The following PLCXD2 variants were observed in gnomAD, a reference collection of about 807,000 sequenced individuals.
PLCXD2 encodes PI-PLC X domain-containing protein 2.
Under a neutral mutation model 28.6 loss-of-function variants are expected in PLCXD2, and 21 were observed. That is an observed-to-expected ratio of 0.73 (90% confidence interval 0.52 to 1.06). PLCXD2 has a LOEUF of 1.06. Among genes scored for constraint, PLCXD2 ranks in the 50% least tolerant of loss-of-function variants. The pLI, the probability that PLCXD2 is intolerant of heterozygous loss-of-function variation, is 0.00. For missense variants in PLCXD2, 369 were observed against 376.7 expected, an observed-to-expected ratio of 0.98 and a Z score of 0.17; for synonymous variants, 140 against 150.1, an observed-to-expected ratio of 0.93 and a Z score of 0.49.
intron 1 of PLCXD2, among the ~76,000 whole-genome samples, chr3:111,686,567 A>G (rs1940798491): frequency 6.6e-6 from 1 of 152,146 alleles, no homozygotes; most frequent in Admixed American, 6.6e-5. Context: ...AGGGACTACT[A>G]AGTGGCCCCC....
intron 3 of PLCXD2, among the ~76,000 whole-genome samples, chr3:111,716,148 C>T (rs79020133): frequency 0.011 from 1,622 of 152,286 alleles, 25 homozygotes; most frequent in African/African-American, 0.037. Context: ...AAGAATATTG[C>T]AAGTATGCAT....
intron 1 of PLCXD2, among the ~76,000 whole-genome samples, chr3:111,701,995 G>T (rs1941050753): frequency 6.6e-6 from 1 of 152,046 alleles, no homozygotes; most frequent in Non-Finnish European, 1.5e-5. Flanking sequence ...TAGCAGGAAG[G>T]TGGGAATGTA....
intron 1 of PLCXD2, among the ~76,000 whole-genome samples, chr3:111,705,149 T>C (rs1290953862): frequency 1.3e-5 from 2 of 152,182 alleles, no homozygotes; most frequent in Admixed American, 1.3e-4. Context: ...AACCAGCCTC[T>C]CTATCCTACC....
At position 111,724,710 on chromosome 3, in the gene PLCXD2, T is replaced by A. The variant is rs140330180; in HGVS notation, c.867-7909T>A. The A allele has an allele frequency of 1.1e-3, 170 of 152,338 alleles. 2 individuals carry two copies. Among genetic ancestry groups the A allele is most frequent in the African/African-American group, 3.6e-3 (151 of 41,572 alleles). The allele number at this position is 152,338 out of a possible 1,614,324, so 9.4% of individuals were successfully genotyped here. On this transcript the variant is annotated intron_variant, in intron 3 of 4. Coordinates refer to ENST00000477665, the MANE Select transcript of PLCXD2 (RefSeq NM_001185106.1). Reference sequence around the variant, plus strand: ...AACCAGTCCATCCTGCAGATTTAGTTCATGCCACAGTTGAAGTTTGTGTGA... The same window carrying A: ...AACCAGTCCATCCTGCAGATTTAGTACATGCCACAGTTGAAGTTTGTGTGA...
chr3:111,687,256 C>T (rs1368360386), intron 1 of PLCXD2, among the ~76,000 whole-genome samples: 1 of 152,156 alleles, frequency 6.6e-6, no homozygotes, highest in Non-Finnish European at 1.5e-5. Context: ...CTAAGTTCAT[C>T]AAATATCAAC....
chr3:111,677,607 A>G (rs1323599942), intron 1 of PLCXD2, among the ~76,000 whole-genome samples: 1 of 152,212 alleles, frequency 6.6e-6, no homozygotes, highest in East Asian at 1.9e-4. Context: ...ATTATTGTTC[A>G]AAGAGGTTAA....
intron 1 of PLCXD2, among the ~76,000 whole-genome samples, chr3:111,680,236 C>G (rs544220228): frequency 5.3e-5 from 8 of 152,186 alleles, no homozygotes; most frequent in Non-Finnish European, 1.0e-4. Context: ...TTACTCAGAT[C>G]TTGCTTCTGA....
At chr3:111,698,099 C>T (rs1455009994) in intron 1 of PLCXD2, among the ~76,000 whole-genome samples, 1 of 152,012 alleles carries the variant, frequency 6.6e-6, no homozygotes, top group Admixed American at 6.6e-5. Flanking sequence ...ATTTAAAAAC[C>T]AGAATTATTT....
At chr3:111,715,654 C>T (rs1319435808) in intron 3 of PLCXD2, among the ~76,000 whole-genome samples, 1 of 152,200 alleles carries the variant, frequency 6.6e-6, no homozygotes, top group Non-Finnish European at 1.5e-5. Context: ...TAGGATGGCA[C>T]ATTGTCTACA....
At position 111,703,991 on chromosome 3, in the gene PLCXD2, T is replaced by G. The variant is rs570788352; in HGVS notation, c.164-3935T>G. ...TAAAAGTAAAGCATTATTTGATGGG[T>G]TTTTTTTTCCTTTTTCACTTTATTT... On this transcript the variant is annotated intron_variant, in intron 1 of 4. Coordinates refer to ENST00000477665, the MANE Select transcript of PLCXD2 (RefSeq NM_001185106.1). 5.9e-5 allele frequency among the ~76,000 whole-genome samples: 9 copies of G among 151,342 alleles called. 1 individual carries two copies. Among genetic ancestry groups the G allele is most frequent in the African/African-American group, 1.9e-4 (8 of 41,212 alleles).
At chr3:111,685,859 G>T (rs572453154) in intron 1 of PLCXD2, among the ~76,000 whole-genome samples, 35 of 152,296 alleles carry the variant, frequency 2.3e-4, no homozygotes, top group Middle Eastern at 3.4e-3. Context: ...TTGAAGAAGA[G>T]AAAATCTTTC....
At chr3:111,686,178 C>G (rs1449916462) in intron 1 of PLCXD2, among the ~76,000 whole-genome samples, 1 of 152,118 alleles carries the variant, frequency 6.6e-6, no homozygotes, top group Non-Finnish European at 1.5e-5. Context: ...TAAAAAGTAC[C>G]CTGTAAACCT....
At chr3:111,684,586 G>A (rs189560933) in intron 1 of PLCXD2, among the ~76,000 whole-genome samples, 6 of 151,852 alleles carry the variant, frequency 4.0e-5, no homozygotes, top group East Asian at 1.9e-4. Context: ...CCCAGGAGGC[G>A]GAGGTTGCAG....
At chr3:111,686,906 C>T (rs374522343) in intron 1 of PLCXD2, among the ~76,000 whole-genome samples, 204 of 152,230 alleles carry the variant, frequency 1.3e-3, no homozygotes, top group African/African-American at 4.5e-3. Flanking sequence ...ACCCAGATAA[C>T]TCAAGCTAGA....
intron 3 of PLCXD2, chr3:111,726,045 A>G (rs867609012): frequency 5.7e-5 from 16 of 280,686 alleles, no homozygotes; most frequent in Middle Eastern, 7.3e-4. Flanking sequence ...CCTACATCCA[A>G]TCATTAGAAC....
intron 1 of PLCXD2, among the ~76,000 whole-genome samples, chr3:111,688,446 G>A (rs575468703): frequency 3.9e-5 from 6 of 152,272 alleles, no homozygotes; most frequent in East Asian, 3.9e-4. Flanking sequence ...TTCTTTCCTC[G>A]TATTGATGTG....
At chr3:111,713,435 T>TA in intron 2 of PLCXD2, among the ~76,000 whole-genome samples, 1 of 152,254 alleles carries the variant, frequency 6.6e-6, no homozygotes, top group Admixed American at 6.5e-5. Flanking sequence ...AGATACCACT[T>TA]ATGCTTATCC....
At chr3:111,718,531 AGATTGATT>A (rs10544870) in intron 3 of PLCXD2, among the ~76,000 whole-genome samples, 1,395 of 112,556 alleles carry the variant, frequency 0.012, 17 homozygotes, top group Non-Finnish European at 0.017. Context: ...ATAGATAGAT[AGATTGATT>A]GATTTATGAT....
chr3:111,705,120 G>A (rs772845718), intron 1 of PLCXD2, among the ~76,000 whole-genome samples: 19 of 152,008 alleles, frequency 1.2e-4, no homozygotes, highest in Non-Finnish European at 2.2e-4. Flanking sequence ...CCTGGTCCTA[G>A]CATAATTTTG....
Sources: gnomAD v4.1 joint callset for allele counts (sites outside exome capture counted in the v4.1 genomes callset) on GRCh38, gnomAD v4.1.1 for gene constraint, MANE v1.5 for transcripts, NCBI Gene and HGNC (gene_info 2026-07-23, HGNC 2026-07-21) for gene names.